Variants in CDH13 observed in about 807,000 individuals in gnomAD.
CDH13 encodes cadherin 13.
A neutral mutation model predicts 63.8 loss-of-function variants in CDH13; 24 were observed. The ratio of observed to expected loss-of-function variants is 0.38; its 90% CI spans 0.27 to 0.53. The LOEUF is 0.53. Ranked by LOEUF, CDH13 falls within the 20% of genes least tolerant of loss-of-function variation. The pLI is 0.85. For missense variants in CDH13, 1,049 were observed against 903.1 expected (o/e 1.16, Z -2.07); for synonymous variants, 503 against 355.3 (o/e 1.42, Z -4.67).
At chr16:83,385,708 A>T (rs1247436918) in intron 6 of CDH13, among the ~76,000 whole-genome samples, 5 of 152,134 alleles carry the variant, frequency 3.3e-5, no homozygotes, top group Admixed American at 3.3e-4. Context: ...AATACTAGTC[A>T]TGTGGCCCCA....
intron 6 of CDH13, among the ~76,000 whole-genome samples, chr16:83,438,894 T>G (rs1484124442): frequency 6.6e-6 from 1 of 152,212 alleles, no homozygotes; most frequent in Non-Finnish European, 1.5e-5. Context: ...CAATAACTAT[T>G]GGGAATGTTA....
At chr16:82,708,520 T>C (rs2031667756) in intron 1 of CDH13, among the ~76,000 whole-genome samples, 2 of 152,334 alleles carry the variant, frequency 1.3e-5, no homozygotes, top group African/African-American at 4.8e-5. Flanking sequence ...TCCACCAGCT[T>C]CCTCTGATGT....
intron 2 of CDH13, among the ~76,000 whole-genome samples, chr16:82,914,349 C>G (rs567689848): frequency 6.6e-6 from 1 of 152,282 alleles, no homozygotes; most frequent in East Asian, 1.9e-4. Flanking sequence ...TTCAAGGAGA[C>G]ACTCTTATTA....
At chr16:83,433,940 G>T (rs570420030) in intron 6 of CDH13, among the ~76,000 whole-genome samples, 1 of 151,994 alleles carries the variant, frequency 6.6e-6, no homozygotes, top group Non-Finnish European at 1.5e-5. Context: ...TTTCCTTTGC[G>T]TTGGGGGGGA....
rs574144557 is a variant in CDH13 at position 83,793,435 on chromosome 16, C to T, written c.2135-1588C>T. Among the ~76,000 whole-genome samples the T allele has an allele frequency of 5.9e-5, 9 of 152,280 alleles. No individual in the cohort carries two copies. The South Asian group carries it at 6.2e-4, about 11-fold the overall frequency. ...CGCAGCTGGCCATAAGGAGGAGCCA[C>T]GAGCAGGTGCTGGGAAGACAGGCTC... On this transcript the variant is annotated intron_variant, in intron 13 of 13. Coordinates refer to ENST00000567109, the MANE Select transcript of CDH13 (RefSeq NM_001257.5).
intron 7 of CDH13, among the ~76,000 whole-genome samples, chr16:83,543,517 T>C (rs74605555): frequency 6.6e-6 from 1 of 152,246 alleles, no homozygotes; most frequent in East Asian, 1.9e-4. Context: ...GCAAGTGCTG[T>C]GATCTACTCC....
chr16:82,780,440 C>G (rs1262598049), intron 1 of CDH13, among the ~76,000 whole-genome samples: 1 of 152,214 alleles, frequency 6.6e-6, no homozygotes, highest in Non-Finnish European at 1.5e-5. Flanking sequence ...TAAATGACAG[C>G]AGCCCATGCA....
chr16:82,750,999 C>T (rs910491784), intron 1 of CDH13, among the ~76,000 whole-genome samples: 10 of 152,166 alleles, frequency 6.6e-5, no homozygotes, highest in South Asian at 6.2e-4. Flanking sequence ...AAAATTATGG[C>T]GCTGGTCCTC....
intron 8 of CDH13, among the ~76,000 whole-genome samples, chr16:83,622,446 T>G (rs1909904690): frequency 6.6e-6 from 1 of 152,244 alleles, no homozygotes; most frequent in Non-Finnish European, 1.5e-5. Context: ...AAAACCTATG[T>G]TGAACACAGC....
At chr16:83,479,915 G>A (rs541093251) in intron 6 of CDH13, among the ~76,000 whole-genome samples, 4 of 152,270 alleles carry the variant, frequency 2.6e-5, no homozygotes, top group South Asian at 2.1e-4. Context: ...GTGTCAAGTC[G>A]AATAAATGTC....
Position 83,063,209 on chromosome 16 carries a change from A to C in CDH13, c.366+30991A>C, listed in dbSNP as rs369793995. Among the ~76,000 whole-genome samples the C allele has an allele frequency of 9.2e-5, 14 of 152,116 alleles. 1 individual carries two copies. In the East Asian group the frequency reaches 1.9e-3, roughly 21 times the overall value. ...ACTCTTGAACTCAGGTGATCCACCC[A>C]CCTCAGCCTCCCAAAGTGCTGGAAT... On this transcript the variant is annotated intron_variant, in intron 3 of 13. Transcript: ENST00000567109.
chr16:82,985,845 A>C (rs1188219996), intron 2 of CDH13, among the ~76,000 whole-genome samples: 1 of 152,026 alleles, frequency 6.6e-6, no homozygotes, highest in East Asian at 1.9e-4. Flanking sequence ...TTCTTATGAG[A>C]TCTGGTCGTT....
chr16:83,383,465 T>A (rs937138603), intron 6 of CDH13, among the ~76,000 whole-genome samples: 2 of 152,230 alleles, frequency 1.3e-5, no homozygotes, highest in Admixed American at 6.5e-5. Context: ...AGTTCTTAGC[T>A]GAGCATCTGC....
chr16:83,613,940 C>T (rs1461670821), intron 8 of CDH13, among the ~76,000 whole-genome samples: 1 of 151,986 alleles, frequency 6.6e-6, no homozygotes, highest in African/African-American at 2.4e-5. Flanking sequence ...CTACATTTTA[C>T]CTATTTTCAT....
rs535869057 is a variant in CDH13 at position 83,087,649 on chromosome 16, C to T, written c.367-37736C>T. On this transcript the variant is annotated intron_variant, in intron 3 of 13. Coordinates refer to ENST00000567109, the MANE Select transcript of CDH13 (RefSeq NM_001257.5). The stretch of plus-strand genomic sequence containing the variant: ...TGTCATTGCACTCCAGCCCGGGCGA[C>T]GAAGCAAGACTCCCTCCGTCTCAAA... Among the ~76,000 whole-genome samples the T allele has an allele frequency of 1.1e-3, 124 of 113,880 alleles. 1 individual carries two copies. Among genetic ancestry groups the T allele is most frequent in the African/African-American group, 4.0e-3 (113 of 28,442 alleles). The allele number at this position is 113,880 out of a possible 152,430, so 74.7% of individuals were successfully genotyped here.
chr16:83,466,489 G>A (rs1244859311), intron 6 of CDH13, among the ~76,000 whole-genome samples: 3 of 152,204 alleles, frequency 2.0e-5, no homozygotes, highest in Admixed American at 2.0e-4. Context: ...CAGCCTAGTG[G>A]CAGTGGGCTG....
chr16:83,367,028 G>T (rs1028000957), intron 6 of CDH13, among the ~76,000 whole-genome samples: 1 of 151,820 alleles, frequency 6.6e-6, no homozygotes, highest in African/African-American at 2.4e-5. Context: ...ATGTTTTTTG[G>T]TCTATTTATA....
intron 5 of CDH13, among the ~76,000 whole-genome samples, chr16:83,291,950 G>T (rs1021584110): frequency 2.0e-5 from 3 of 152,162 alleles, no homozygotes; most frequent in Non-Finnish European, 4.4e-5. Flanking sequence ...ATCACATCAC[G>T]TTTCATCATG....
At chr16:82,750,781 A>G (rs1419191620) in intron 1 of CDH13, among the ~76,000 whole-genome samples, 3 of 150,706 alleles carry the variant, frequency 2.0e-5, no homozygotes. Flanking sequence ...GCTTAAGCTG[A>G]TTTTTTTTTT....
Sources: allele counts gnomAD v4.1 joint callset (sites outside exome capture counted in the v4.1 genomes callset), GRCh38; gene constraint gnomAD v4.1.1; transcripts MANE v1.5; gene names NCBI Gene and HGNC (gene_info 2026-07-23, HGNC 2026-07-21).